Variants in CNDP2 observed in about 807,000 individuals in gnomAD.
The protein encoded by CNDP2 is carnosine dipeptidase 2.
Under a neutral mutation model 55.0 loss-of-function variants are expected in CNDP2, and 38 were observed. That is an observed-to-expected ratio of 0.69 (90% CI 0.53 to 0.90). The LOEUF is 0.90. CNDP2 is among the 40% of genes least tolerant of loss of function. The probability of loss-of-function intolerance (pLI) is 0.00; values close to 1 mark genes in which losing one functional copy is unlikely to be tolerated. For missense variants in CNDP2, 607 were observed against 621.7 expected, an observed-to-expected ratio of 0.98 and a Z score of 0.25; for synonymous variants, 241 against 260.2, an observed-to-expected ratio of 0.93 and a Z score of 0.71.
chr18:74,513,462 T>G, intron 7 of CNDP2, 97 bp from the exon 8 acceptor site: 3 of 1,328,914 alleles, frequency 2.3e-6, no homozygotes, highest in Non-Finnish European at 3.0e-6. Flanking sequence ...GAGCCGCATC[T>G]CTCCTGAGCC....
chr18:74,508,809 C>A, intron 4 of CNDP2, 31 bp from the exon 5 acceptor site: 2 of 1,583,588 alleles, frequency 1.3e-6, no homozygotes, highest in Non-Finnish European at 1.7e-6. Flanking sequence ...TTGTAATCAT[C>A]ACTTTATGAA....
At chr18:74,504,429 T>G (rs567430751) in intron 3 of CNDP2, among the ~76,000 whole-genome samples, 1 of 152,364 alleles carries the variant, frequency 6.6e-6, no homozygotes, top group East Asian at 1.9e-4. Context: ...TTACTTAAAT[T>G]ACTGGGAACA....
In CNDP2 at chr18:74,518,641, G is replaced by A. The variant is rs779457307; in HGVS notation, c.1210+1G>A. On this transcript the variant is annotated splice_donor_variant, in intron 10 of 11. Coordinates refer to ENST00000324262, the MANE Select transcript of CNDP2 (RefSeq NM_018235.3). LOFTEE classifies it high-confidence loss of function. ...GCTGGGAGAAGAGCCATGAAGACAG[G>A]TTGGACGCTCTCCTTGTGGATGATG... 4.2e-5 allele frequency: 67 copies of A among 1,613,992 alleles called. No homozygotes were observed. The highest frequency in any genetic ancestry group is 4.9e-5 in the Non-Finnish European group (58 of 1,180,050).
intron 10 of CNDP2, 99 bp from the exon 11 acceptor site, chr18:74,518,850 C>T: frequency 2.6e-6 from 4 of 1,538,816 alleles, no homozygotes; most frequent in Non-Finnish European, 2.7e-6. Context: ...CAGGGCCTTG[C>T]ACAGCATCTG....
intron 5 of CNDP2, among the ~76,000 whole-genome samples, chr18:74,510,379 C>T (rs868650459): frequency 6.6e-5 from 10 of 152,190 alleles, no homozygotes; most frequent in South Asian, 2.1e-4. Context: ...TCCAGACACA[C>T]GGCAAGGTGG....
intron 9 of CNDP2, 59 bp downstream of exon 9, chr18:74,516,451 T>C: frequency 6.7e-7 from 1 of 1,499,514 alleles, no homozygotes; most frequent in Non-Finnish European, 9.0e-7. Context: ...GGCAGAGACT[T>C]GGGTAATATA....
chr18:74,518,396 T>C, intron 9 of CNDP2, 103 bp from the exon 10 acceptor site: 1 of 1,383,756 alleles, frequency 7.2e-7, no homozygotes, highest in Non-Finnish European at 1.0e-6. Flanking sequence ...AGGCCGATTG[T>C]AAGCTCGCTG....
intron 4 of CNDP2, among the ~76,000 whole-genome samples, chr18:74,506,782 C>T (rs111725010): frequency 0.026 from 3,981 of 152,304 alleles, 142 homozygotes; most frequent in African/African-American, 0.088. Context: ...TTTTGAGGCC[C>T]GTGCTATGAG....
At position 74,508,701 on chromosome 18, in the gene CNDP2, A is replaced by C. The variant is rs1979169496; in HGVS notation, c.368-139A>C. 1.1e-5 allele frequency: 7 copies of C among 650,756 alleles called. No individual in the cohort carries two copies. The South Asian group carries it at 1.3e-4, about 12-fold the overall frequency. 40.3% of individuals were successfully genotyped at this position (650,756 alleles called of 1,614,324 possible). ...CAAATTTAACGATAGTGTTGGGTGG[A>C]AATTGGGGGCTCCTGATCGGAAGGG... On this transcript the variant is annotated intron_variant, in intron 4 of 11. Coordinates refer to ENST00000324262, the MANE Select transcript of CNDP2 (RefSeq NM_018235.3).
chr18:74,501,545 GTTC>G, intron 3 of CNDP2, 73 bp downstream of exon 3: 1 of 1,507,798 alleles, frequency 6.6e-7, no homozygotes, highest in Non-Finnish European at 8.9e-7. Context: ...GACGCCACAA[GTTC>G]TTAAAAGATC....
Position 74,518,563 on chromosome 18 carries a change from T to C in CNDP2, c.1133T>C (p.Met378Thr), listed in dbSNP as rs1215687663. 6.2e-7 allele frequency: 1 copy of C among 1,614,208 alleles called. No homozygotes were observed. Among genetic ancestry groups the C allele is most frequent in the Non-Finnish European group, 8.5e-7 (1 of 1,180,030 alleles). Residue 378 changes from methionine to threonine, a missense_variant, in exon 10 of 12, where the codon ATG (methionine) becomes ACG (threonine). Coordinates refer to ENST00000324262, the MANE Select transcript of CNDP2 (RefSeq NM_018235.3). ...AGCCCCAATGAGTTCAAGGTGTACA[T>C]GGGCCACGGTGGGAAGCCCTGGGTC... ...LRSPNEFKVY[M>T]GHGGKPWVSD...
Position 74,501,380 on chromosome 18 carries a change from A to G in CNDP2, c.112A>G (p.Arg38Gly). 1 of 1,614,152 alleles carries G rather than the reference A, an allele frequency of 6.2e-7. No individual in the cohort carries two copies. The highest frequency in any genetic ancestry group is 8.5e-7 in the Non-Finnish European group (1 of 1,180,010). ...GAGTGTGTCTGCGTGGCCGGAGAAG[A>G]GAGGCGAAATCAGGAGGATGATGGA... is the stretch of plus-strand genomic sequence containing the variant. Reference protein sequence around the residue: ...IQSVSAWPEKRGEIRRMMEVA... With the variant: ...IQSVSAWPEKGGEIRRMMEVA... The change falls in exon 3 of 12, where the codon AGA (arginine) becomes GGA (glycine). Residue 38 changes from arginine to glycine, a missense_variant. Transcript: ENST00000324262.
rs958841216 is a variant in CNDP2 at position 74,510,783 on chromosome 18, A to G, written c.457-30A>G. 4 of 1,589,566 alleles carry G rather than the reference A, an allele frequency of 2.5e-6. No individual in the cohort carries two copies. The African/African-American group carries it at 4.1e-5, about 16-fold the overall frequency. On this transcript the variant is annotated intron_variant, in intron 5 of 11. Coordinates refer to ENST00000324262, the MANE Select transcript of CNDP2 (RefSeq NM_018235.3). Reference sequence around the variant, plus strand: ...CTAGAAGGAAGGTTCGCAAAGCTGAATATCCACTCGTGCTGTTCCCTTCTC... The same window carrying G: ...CTAGAAGGAAGGTTCGCAAAGCTGAGTATCCACTCGTGCTGTTCCCTTCTC...
At position 74,513,626 on chromosome 18, in the gene CNDP2, G is replaced by T; in HGVS notation, c.810G>T (p.Thr270=). Residue 270 remains threonine, a synonymous_variant, in exon 8 of 12, where the codon ACG becomes ACT. Coordinates refer to ENST00000324262, the MANE Select transcript of CNDP2 (RefSeq NM_018235.3). ...TTAACGAGGCCGTGGCCGCCGTCAC[G>T]GAAGAGGAGCACAAGCTGTACGACG... The part of the protein sequence containing the change: ...PGINEAVAAV[T]EEEHKLYDDI... 1 of 1,614,090 alleles carries T rather than the reference G, an allele frequency of 6.2e-7. No individual in the cohort carries two copies. Among genetic ancestry groups the T allele is most frequent in the Non-Finnish European group, 8.5e-7 (1 of 1,180,026 alleles).
intron 11 of CNDP2, 106 bp from the exon 12 acceptor site, chr18:74,519,893 T>A (rs1485421122): frequency 7.1e-6 from 7 of 982,682 alleles, no homozygotes; most frequent in Non-Finnish European, 1.1e-5. Flanking sequence ...TGGGGGATGC[T>A]CCCCAGGAAG....
Position 74,510,793 on chromosome 18 carries a change from G to A in CNDP2, c.457-20G>A, listed in dbSNP as rs181763245. Reference sequence around the variant, plus strand: ...GGTTCGCAAAGCTGAATATCCACTCGTGCTGTTCCCTTCTCACAGGAGATT... The same window carrying A: ...GGTTCGCAAAGCTGAATATCCACTCATGCTGTTCCCTTCTCACAGGAGATT... On this transcript the variant is annotated intron_variant, in intron 5 of 11. Coordinates refer to ENST00000324262, the MANE Select transcript of CNDP2 (RefSeq NM_018235.3). The A allele has an allele frequency of 4.7e-4, 751 of 1,606,452 alleles. No individual in the cohort carries two copies. Among genetic ancestry groups the A allele is most frequent in the Non-Finnish European group, 5.6e-4 (657 of 1,175,040 alleles).
chr18:74,507,056 C>T (rs1366738454), intron 4 of CNDP2: 1 of 152,350 alleles, frequency 6.6e-6, no homozygotes, highest in East Asian at 1.9e-4. Flanking sequence ...ACTGACTTTA[C>T]TTAAAGCAAC....
chr18:74,512,677 T>C (rs1359334970), intron 7 of CNDP2, 145 bp downstream of exon 7: 1 of 642,600 alleles, frequency 1.6e-6, no homozygotes. Flanking sequence ...CTCTCCCTCC[T>C]TCCACTCACT....
rs116253900 is a variant in CNDP2, at chr18:74,499,885, G to A, written c.-89G>A. 0.015 allele frequency: 17,371 copies of A among 1,158,444 alleles called. 180 individuals are homozygous for A. The highest frequency in any genetic ancestry group is 0.033 in the Middle Eastern group (167 of 5,004). The allele number at this position is 1,158,444 out of a possible 1,614,324, so 71.8% of individuals were successfully genotyped here. A position where few individuals can be genotyped will look rare whatever the true frequency, so the allele number is the denominator to read the frequency against. Reference sequence around the variant, plus strand: ...TGAACACGTGCTTTCTGGGCAGGTCGCCCCTCAGTCTCCACTAGAGACAGG... The same window carrying A: ...TGAACACGTGCTTTCTGGGCAGGTCACCCCTCAGTCTCCACTAGAGACAGG... On this transcript the variant is annotated 5_prime_UTR_variant, in exon 2 of 12. Transcript: ENST00000324262.
Sources: gnomAD v4.1 joint callset for allele counts (sites outside exome capture counted in the v4.1 genomes callset) on GRCh38, gnomAD v4.1.1 for gene constraint, MANE v1.5 for transcripts, NCBI Gene and HGNC (gene_info 2026-07-23, HGNC 2026-07-21) for gene names.